The following UTP15 variants were observed in gnomAD, a reference collection of about 807,000 sequenced individuals.
UTP15 encodes U3 small nucleolar RNA-associated protein 15 homolog.
In UTP15, 5 loss-of-function variants were observed where a neutral mutation model predicts 59.1. That is an observed-to-expected ratio of 0.08 (90% CI 0.04 to 0.18). The LOEUF (loss-of-function observed/expected upper bound fraction) is 0.18, where lower values mean the gene tolerates loss of function less well. Among genes scored for constraint, UTP15 ranks in the 10% least tolerant of loss-of-function variants. The pLI is 1.00. For missense variants in UTP15, 494 were observed against 616.7 expected (o/e 0.80, Z 2.11); for synonymous variants, 211 against 212.2 (o/e 0.99, Z 0.05).
At position 73,566,220 on chromosome 5, in the gene UTP15, G is replaced by A. The variant is rs186085808; in HGVS notation, c.-84+308G>A. ...AACCTAATGGAGTTTTAAAATATTTGGGAGATAAAATCAGCAGATCTTGTT... is the reference window on the plus strand; with the variant it reads ...AACCTAATGGAGTTTTAAAATATTTAGGAGATAAAATCAGCAGATCTTGTT... On this transcript the variant is annotated intron_variant, in intron 1 of 12. Coordinates refer to ENST00000296792, the MANE Select transcript of UTP15 (RefSeq NM_032175.4). The A allele has an allele frequency of 3.1e-4, 68 of 218,008 alleles. 1 individual carries two copies. The Middle Eastern group carries it at 7.6e-3, about 24-fold the overall frequency. The allele number at this position is 218,008 out of a possible 1,614,324, so 13.5% of individuals were successfully genotyped here. A position where few individuals can be genotyped will look rare whatever the true frequency, so the allele number is the denominator to read the frequency against.
chr5:73,574,514 G>A, intron 7 of UTP15, among the ~76,000 whole-genome samples: 1 of 151,080 alleles, frequency 6.6e-6, no homozygotes, highest in South Asian at 2.1e-4. Flanking sequence ...TTGAGACAGG[G>A]TTTTGCTCTG....
intron 7 of UTP15, among the ~76,000 whole-genome samples, chr5:73,575,792 G>T (rs529175826): frequency 6.6e-6 from 1 of 151,192 alleles, no homozygotes; most frequent in Non-Finnish European, 1.5e-5. Flanking sequence ...GCGCGGTCTC[G>T]GCTCACCGCA....
At chr5:73,570,076 C>T (rs1460400421) in intron 5 of UTP15, among the ~76,000 whole-genome samples, 1 of 152,108 alleles carries the variant, frequency 6.6e-6, no homozygotes, top group Non-Finnish European at 1.5e-5. Context: ...AAGTGATCCA[C>T]CTACCTCAAT....
Position 73,577,324 on chromosome 5 carries a change from T to C in UTP15, c.894+288T>C, listed in dbSNP as rs577515379. ...TAAATCTCTCTTCAACTCATTTAAC[T>C]CAAGAGTATTATAGTACACTAGAAA... On this transcript the variant is annotated intron_variant, in intron 8 of 12. Coordinates refer to ENST00000296792, the MANE Select transcript of UTP15 (RefSeq NM_032175.4). Among the ~76,000 whole-genome samples the C allele has an allele frequency of 2.0e-5, 3 of 152,268 alleles. No homozygotes were observed. In the South Asian group the frequency reaches 6.2e-4, roughly 32 times the overall value.
chr5:73,571,629 C>T (rs1005916110), intron 6 of UTP15, among the ~76,000 whole-genome samples: 6 of 150,152 alleles, frequency 4.0e-5, no homozygotes, highest in African/African-American at 1.5e-4. Context: ...TTCCCCAGTA[C>T]CTATTTGATT....
intron 7 of UTP15, among the ~76,000 whole-genome samples, chr5:73,574,148 C>A (rs1220237677): frequency 6.6e-6 from 1 of 151,514 alleles, no homozygotes; most frequent in South Asian, 2.1e-4. Flanking sequence ...TATAGTGAGA[C>A]CCCATCTCTA....
In UTP15 at chr5:73,568,348, C is replaced by A; in HGVS notation, c.183+21C>A. The A allele has an allele frequency of 1.3e-6, 2 of 1,583,302 alleles. 1 individual carries two copies. The highest frequency in any genetic ancestry group is 2.3e-5 in the South Asian group (2 of 85,204). On this transcript the variant is annotated intron_variant, in intron 3 of 12. Coordinates refer to ENST00000296792, the MANE Select transcript of UTP15 (RefSeq NM_032175.4). ...CAAGAGTAAGTATAATATTAAATTT[C>A]TTTATTTTTCTTTTGTATAGTTTAC... is the stretch of plus-strand genomic sequence containing the variant.
intron 7 of UTP15, among the ~76,000 whole-genome samples, chr5:73,575,990 G>A (rs1748077718): frequency 2.0e-5 from 3 of 151,678 alleles, no homozygotes; most frequent in African/African-American, 7.3e-5. Context: ...AAAAGTGCTG[G>A]GATTACTACA....
chr5:73,567,325 T>C lies in UTP15; in HGVS notation c.-20T>C. 2 of 1,548,582 alleles carry C rather than the reference T, an allele frequency of 1.3e-6. No homozygotes were observed. Among genetic ancestry groups the C allele is most frequent in the Non-Finnish European group, 1.8e-6 (2 of 1,137,444 alleles). The stretch of plus-strand genomic sequence containing the variant: ...TTCCAAAATAGTGACTCTTGGACAA[T>C]AGTGCAATTATATGGAATTATGGCT... On this transcript the variant is annotated 5_prime_UTR_variant, in exon 2 of 13. Transcript: ENST00000296792.
intron 7 of UTP15, among the ~76,000 whole-genome samples, chr5:73,573,482 G>A (rs563043842): frequency 2.2e-4 from 33 of 151,598 alleles, no homozygotes; most frequent in African/African-American, 7.0e-4. Flanking sequence ...TTCTGGCCTC[G>A]TGTGGTCTGC....
intron 2 of UTP15, 41 bp from the exon 3 acceptor site, chr5:73,568,193 AC>A: frequency 6.9e-7 from 1 of 1,438,900 alleles, no homozygotes; most frequent in Non-Finnish European, 9.6e-7. Context: ...AATAGGTCTT[AC>A]CAGTGGTAAC....
In UTP15 at chr5:73,580,680, G is replaced by A. The variant is rs1157093724; in HGVS notation, c.*586G>A. 6.6e-6 allele frequency: 1 copy of A among 152,260 alleles called. No homozygotes were observed. The highest frequency in any genetic ancestry group is 1.5e-5 in the Non-Finnish European group (1 of 68,110). 9.4% of individuals were successfully genotyped at this position (152,260 alleles called of 1,614,324 possible). The stretch of plus-strand genomic sequence containing the variant: ...TCCAAGTGTGGCAAGTAAGTTTTCG[G>A]CTCTGAAGAACTGACACTAGCTAGA... On this transcript the variant is annotated 3_prime_UTR_variant, in exon 13 of 13. Coordinates refer to ENST00000296792, the MANE Select transcript of UTP15 (RefSeq NM_032175.4).
intron 7 of UTP15, among the ~76,000 whole-genome samples, chr5:73,576,296 G>A (rs780214398): frequency 1.5e-4 from 22 of 151,252 alleles, no homozygotes; most frequent in Admixed American, 4.6e-4. Context: ...GGTAGACATC[G>A]GGTTATGCCG....
At position 73,580,340 on chromosome 5, in the gene UTP15, G is replaced by T. The variant is rs1399877035; in HGVS notation, c.*246G>T. 2 of 359,108 alleles carry T rather than the reference G, an allele frequency of 5.6e-6. No individual in the cohort carries two copies. The highest frequency in any genetic ancestry group is 1.0e-5 in the Non-Finnish European group (2 of 196,686). 22.2% of individuals were successfully genotyped at this position (359,108 alleles called of 1,614,324 possible). A position where few individuals can be genotyped will look rare whatever the true frequency, so the allele number is the denominator to read the frequency against. Reference sequence around the variant, plus strand: ...CTCAATTGTCTTAGTCACAGAGTAGGTTTATCTGGGATGGATATTAATTTT... The same window carrying T: ...CTCAATTGTCTTAGTCACAGAGTAGTTTTATCTGGGATGGATATTAATTTT... On this transcript the variant is annotated 3_prime_UTR_variant, in exon 13 of 13. Transcript: ENST00000296792.
At chr5:73,567,503 T>C (rs1410623992) in intron 2 of UTP15, 69 bp downstream of exon 2, 1 of 1,117,500 alleles carries the variant, frequency 8.9e-7, no homozygotes, top group Non-Finnish European at 1.3e-6. Flanking sequence ...TATGTTATAC[T>C]CTGGATGCTC....
chr5:73,575,952 C>T (rs532883495), intron 7 of UTP15, among the ~76,000 whole-genome samples: 36 of 152,084 alleles, frequency 2.4e-4, no homozygotes, highest in African/African-American at 8.0e-4. Context: ...AACTCCCGAC[C>T]TCAGGTGATC....
intron 7 of UTP15, among the ~76,000 whole-genome samples, chr5:73,574,441 G>T (rs1485506960): frequency 6.6e-6 from 1 of 151,864 alleles, no homozygotes; most frequent in Admixed American, 6.6e-5. Flanking sequence ...CAGTAGCCAT[G>T]TGCAGCTAGA....
At chr5:73,574,021 T>G (rs1748017990) in intron 7 of UTP15, among the ~76,000 whole-genome samples, 1 of 152,158 alleles carries the variant, frequency 6.6e-6, no homozygotes. Flanking sequence ...ATGTGCACTA[T>G]GATACAATAA....
chr5:73,578,936 C>A, intron 10 of UTP15, 81 bp from the exon 11 acceptor site: 1 of 1,597,712 alleles, frequency 6.3e-7, no homozygotes, highest in South Asian at 1.1e-5. Context: ...AAATATTATT[C>A]AAACTTGATA....
Sources: gnomAD v4.1 joint callset for allele counts (sites outside exome capture counted in the v4.1 genomes callset) on GRCh38, gnomAD v4.1.1 for gene constraint, MANE v1.5 for transcripts, NCBI Gene and HGNC (gene_info 2026-07-23, HGNC 2026-07-21) for gene names.